Variants in SLX4IP observed in about 807,000 individuals in gnomAD.
SLX4IP encodes the protein SLX4 interacting protein, also known as protein SLX4IP.
SLX4IP carries 34 observed loss-of-function variants against 32.9 expected under a neutral mutation model. The ratio of observed to expected loss-of-function variants is 1.03; its 90% confidence interval spans 0.79 to 1.38. The LOEUF (loss-of-function observed/expected upper bound fraction) is 1.38. SLX4IP is among the 40% of genes most tolerant of loss of function. The pLI, the probability that SLX4IP is intolerant of heterozygous loss-of-function variation, is 0.00. For synonymous variants in SLX4IP, 172 were observed against 171.7 expected (o/e 1.00, Z -0.01); for missense variants, 444 against 479.0 (o/e 0.93, Z 0.68).
intron 4 of SLX4IP, among the ~76,000 whole-genome samples, chr20:10,581,107 C>G (rs2066581749): frequency 6.6e-6 from 1 of 151,864 alleles, no homozygotes; most frequent in Non-Finnish European, 1.5e-5. Context: ...GTGAGACTTG[C>G]TCTAATGCAT....
intron 2 of SLX4IP, among the ~76,000 whole-genome samples, chr20:10,458,799 T>A (rs2065310790): frequency 6.6e-6 from 1 of 152,208 alleles, no homozygotes; most frequent in Non-Finnish European, 1.5e-5. Context: ...TCTTTGCTAT[T>A]GTGACTAGTG....
intron 1 of SLX4IP, among the ~76,000 whole-genome samples, chr20:10,449,204 G>T (rs1568685664): frequency 6.6e-6 from 1 of 152,176 alleles, no homozygotes; most frequent in Non-Finnish European, 1.5e-5. Flanking sequence ...CTATGCAACC[G>T]ACTTTCCAGA....
intron 4 of SLX4IP, among the ~76,000 whole-genome samples, chr20:10,573,041 C>T (rs539312364): frequency 6.6e-6 from 1 of 152,310 alleles, no homozygotes; most frequent in South Asian, 2.1e-4. Flanking sequence ...CTCAACTTTC[C>T]CCAACACCCG....
intron 6 of SLX4IP, chr20:10,614,215 A>G (rs539747629): frequency 1.5e-6 from 1 of 662,250 alleles, no homozygotes; most frequent in Admixed American, 2.7e-5. Flanking sequence ...ATGTAACAGA[A>G]TCAGAAGAAA....
chr20:10,526,254 A>T (rs1335535697), intron 2 of SLX4IP, among the ~76,000 whole-genome samples: 2 of 152,156 alleles, frequency 1.3e-5, no homozygotes, highest in African/African-American at 4.8e-5. Context: ...TATAGTTGAG[A>T]AAGAGAATGG....
chr20:10,589,165 T>C (rs1014112154), intron 4 of SLX4IP, among the ~76,000 whole-genome samples: 54 of 152,182 alleles, frequency 3.5e-4, no homozygotes, highest in African/African-American at 1.3e-3. Context: ...AGTTTAAAAA[T>C]GTAGTTTTTA....
intron 1 of SLX4IP, among the ~76,000 whole-genome samples, chr20:10,437,680 A>G (rs6039933): frequency 0.49 from 74,472 of 152,140 alleles, 19,617 homozygotes; most frequent in Non-Finnish European, 0.6. Flanking sequence ...AAGAAAATAA[A>G]GCCACTGTTG....
At chr20:10,586,984 G>A (rs1171929346) in intron 4 of SLX4IP, among the ~76,000 whole-genome samples, 3 of 151,980 alleles carry the variant, frequency 2.0e-5, no homozygotes, top group Non-Finnish European at 2.9e-5. Context: ...CCAGTTTTAT[G>A]TACTTGAATA....
chr20:10,566,774 T>C (rs556564145), intron 4 of SLX4IP, among the ~76,000 whole-genome samples: 26 of 152,346 alleles, frequency 1.7e-4, no homozygotes, highest in African/African-American at 4.8e-4. Context: ...TGTCTTATTT[T>C]GTTTCCTGTA....
intron 4 of SLX4IP, among the ~76,000 whole-genome samples, chr20:10,568,180 A>T (rs2122510758): frequency 6.6e-6 from 1 of 152,348 alleles, no homozygotes. Flanking sequence ...TCTTAGCATG[A>T]CAGCTAGAAT....
Position 10,531,519 on chromosome 20 carries a change from T to C in SLX4IP, c.28-24712T>C, listed in dbSNP as rs139523944. On this transcript the variant is annotated intron_variant, in intron 2 of 7. Coordinates refer to ENST00000334534, the MANE Select transcript of SLX4IP (RefSeq NM_001009608.3). The stretch of plus-strand genomic sequence containing the variant: ...ATAAATGTTTATTCCTTATTTCCCA[T>C]GTGCCAGGAATGGTTCTCAGCTGTG... Among the ~76,000 whole-genome samples the C allele has an allele frequency of 5.3e-5, 8 of 152,334 alleles. No individual in the cohort carries two copies. The East Asian group carries it at 1.2e-3, about 22-fold the overall frequency.
intron 2 of SLX4IP, among the ~76,000 whole-genome samples, chr20:10,500,130 C>CTTTTTTTTTTTTTTT (rs34751503): frequency 1.1e-5 from 1 of 90,074 alleles, no homozygotes; most frequent in Non-Finnish European, 2.0e-5. Context: ...TGTCAAAATT[C>CTTTTTTTTTTTTTTT]TTTTTTTTTT....
At chr20:10,441,864 G>T (rs6077793) in intron 1 of SLX4IP, among the ~76,000 whole-genome samples, 14,397 of 151,882 alleles carry the variant, frequency 0.095, 755 homozygotes, top group East Asian at 0.15. Flanking sequence ...TTGCTCATTT[G>T]TCATTTTTCC....
intron 2 of SLX4IP, among the ~76,000 whole-genome samples, chr20:10,541,048 G>T (rs1261614849): frequency 1.3e-5 from 2 of 152,192 alleles, no homozygotes; most frequent in African/African-American, 4.8e-5. Flanking sequence ...AAAACTAAGG[G>T]ATTATTTTGC....
chr20:10,561,959 G>A (rs934467975), intron 4 of SLX4IP, among the ~76,000 whole-genome samples: 7 of 152,172 alleles, frequency 4.6e-5, no homozygotes, highest in Admixed American at 1.3e-4. Context: ...GAAACAGGGC[G>A]TGGGATGGGG....
At position 10,601,777 on chromosome 20, in the gene SLX4IP, T is replaced by C. The variant is rs767085338; in HGVS notation, c.363T>C (p.Leu121=). The C allele has an allele frequency of 6.2e-7, 1 of 1,614,074 alleles. No homozygotes were observed. Among genetic ancestry groups the C allele is most frequent in the Admixed American group, 1.7e-5 (1 of 60,016 alleles). ...PDRFVVCVSQ[L]AFSRDLLASQ... Reference sequence around the variant, plus strand: ...GATTTGTGGTTTGTGTCAGTCAGCTTGCATTCAGTCGTGATCTTTTAGCAA... The same window carrying C: ...GATTTGTGGTTTGTGTCAGTCAGCTCGCATTCAGTCGTGATCTTTTAGCAA... The change falls in exon 6 of 8, where the codon CTT becomes CTC. Residue 121 remains leucine, a synonymous_variant. Coordinates refer to ENST00000334534, the MANE Select transcript of SLX4IP (RefSeq NM_001009608.3).
chr20:10,472,871 G>C (rs2065437865), intron 2 of SLX4IP, among the ~76,000 whole-genome samples: 1 of 151,850 alleles, frequency 6.6e-6, no homozygotes, highest in Admixed American at 6.6e-5. Context: ...AGGTTTTTTT[G>C]TTTTGTTTTG....
chr20:10,479,648 G>T (rs1170386616), intron 2 of SLX4IP, among the ~76,000 whole-genome samples: 1 of 95,806 alleles, frequency 1.0e-5, no homozygotes, highest in Non-Finnish European at 2.1e-5. Context: ...GTCCCGGCTC[G>T]AATTGCATAT....
intron 4 of SLX4IP, among the ~76,000 whole-genome samples, chr20:10,591,316 T>C (rs1456160226): frequency 1.3e-5 from 2 of 152,200 alleles, no homozygotes; most frequent in East Asian, 3.9e-4. Flanking sequence ...ACTTCCAAGG[T>C]TGTTTCTTGT....
Sources: allele counts gnomAD v4.1 joint callset (sites outside exome capture counted in the v4.1 genomes callset), GRCh38; gene constraint gnomAD v4.1.1; transcripts MANE v1.5; gene names NCBI Gene and HGNC (gene_info 2026-07-23, HGNC 2026-07-21).